The following CEP250 variants were observed in gnomAD, a reference collection of about 807,000 sequenced individuals.
CEP250 encodes centrosomal protein 250, also known as centrosome-associated protein CEP250.
In CEP250, 242 loss-of-function variants were observed where a neutral mutation model predicts 315.7. The observed-to-expected ratio is 0.77, with a 90% CI of 0.69 to 0.85. The LOEUF (loss-of-function observed/expected upper bound fraction) is 0.85. CEP250 is among the 40% of genes least tolerant of loss of function. The probability of loss-of-function intolerance (pLI) is 0.00; values close to 1 mark genes in which losing one functional copy is unlikely to be tolerated. For missense variants in CEP250, 2,515 were observed against 2,886.4 expected, an observed-to-expected ratio of 0.87 and a Z score of 2.95; for synonymous variants, 1,088 against 1,175.0, an observed-to-expected ratio of 0.93 and a Z score of 1.51.
chr20:35,499,899 CAT>C (rs1285660576), intron 27 of CEP250, 148 bp from the exon 28 acceptor site: 33 of 864,624 alleles, frequency 3.8e-5, no homozygotes, highest in South Asian at 9.6e-5. Context: ...GCTAAATACA[CAT>C]GTGTTTAAAG....
intron 27 of CEP250, 105 bp from the exon 28 acceptor site, chr20:35,499,944 A>G: frequency 6.9e-7 from 1 of 1,451,284 alleles, no homozygotes; most frequent in Non-Finnish European, 9.5e-7. Context: ...GTAGGTCCAC[A>G]ATGGCGGCCC....
chr20:35,500,622 G>A, intron 28 of CEP250, among the ~76,000 whole-genome samples: 1 of 152,202 alleles, frequency 6.6e-6, no homozygotes. Flanking sequence ...GCAGCAGCAG[G>A]GAGTGCTTGA....
rs2064368321 is a variant in CEP250, at chr20:35,511,736, G to A, written c.*110G>A. ...GCCTGGCTCTGTTAGGCACCCAGGA[G>A]CCCCAGGTCGGCGGGTGTTCCCAGG... On this transcript the variant is annotated 3_prime_UTR_variant, in exon 35 of 35. Transcript: ENST00000397527. 6.9e-7 allele frequency: 1 copy of A among 1,449,738 alleles called. No homozygotes were observed. Among genetic ancestry groups the A allele is most frequent in the South Asian group, 1.5e-5 (1 of 66,254 alleles). 89.8% of individuals were successfully genotyped at this position (1,449,738 alleles called of 1,614,324 possible). A position where few individuals can be genotyped will look rare whatever the true frequency, so the allele number is the denominator to read the frequency against.
intron 20 of CEP250, among the ~76,000 whole-genome samples, chr20:35,488,215 C>T (rs2063574215): frequency 6.6e-6 from 1 of 152,164 alleles, no homozygotes; most frequent in Non-Finnish European, 1.5e-5. Context: ...TCACATAGAG[C>T]AAATAGATCA....
In CEP250 at chr20:35,462,457, G is replaced by A. The variant is rs2062776814; in HGVS notation, c.90G>A (p.Gln30=). ...LEEQVLALQQ[Q]MAENQAASWR... is the part of the protein sequence containing the mutation. ...AGCAGGTGCTGGCACTACAGCAGCA[G>A]ATGGCAGAGAATCAGGCAGCCTCCT... The change falls in exon 4 of 35, where the codon CAG becomes CAA. Residue 30 remains glutamine, a synonymous_variant. Transcript: ENST00000397527. 1 of 1,607,632 alleles carries A rather than the reference G, an allele frequency of 6.2e-7. No individual in the cohort carries two copies. The highest frequency in any genetic ancestry group is 8.5e-7 in the Non-Finnish European group (1 of 1,176,898).
chr20:35,496,623 CAAG>C lies in CEP250; in HGVS notation c.3218_3220del (p.Glu1073del). 6.2e-7 allele frequency: 1 copy of C among 1,614,068 alleles called. No individual in the cohort carries two copies. The highest frequency in any genetic ancestry group is 1.1e-5 in the South Asian group (1 of 91,070). On this transcript the variant is annotated inframe_deletion, in exon 25 of 35. Transcript: ENST00000397527. Reference sequence around the variant, plus strand: ...AAAGGAACAGAGACTCCTTGTTTTACAAGAAGCTGACTCTATTCGACAACAAGA... The same window carrying C: ...AAAGGAACAGAGACTCCTTGTTTTACAAGCTGACTCTATTCGACAACAAGA...
intron 23 of CEP250, among the ~76,000 whole-genome samples, chr20:35,494,000 G>C (rs2063767717): frequency 6.6e-6 from 1 of 152,020 alleles, no homozygotes; most frequent in South Asian, 2.1e-4. Context: ...TTTTGGTGGG[G>C]GAGACAGGAT....
rs199835017 is a variant in CEP250, at chr20:35,511,437, C to T, written c.7140C>T (p.Thr2380=). 112 of 1,614,088 alleles carry T rather than the reference C, an allele frequency of 6.9e-5. No individual in the cohort carries two copies. The East Asian group carries it at 2.1e-3, about 31-fold the overall frequency. ...ACTACATCACCCGCTCAGCACAGAC[C>T]AGCCGTGAGCTAGCAGGCCTGCACC... ...KQDYITRSAQ[T]SRELAGLHHS... is the part of the protein sequence containing the mutation. Residue 2380 remains threonine (T), a synonymous_variant, in exon 35 of 35, where the codon ACC becomes ACT. Transcript: ENST00000397527.
In CEP250 at chr20:35,502,803, G is replaced by T. The variant is rs2064050172; in HGVS notation, c.4434G>T (p.Gln1478His). ...AAGAGGTAGATCTGCAGCAAGAACA[G>T]ATTCAGGAGCTAGAGAAGTGTAGGT... ...RNQEVDLQQE[Q>H]IQELEKCRSV... The change falls in exon 30 of 35, where the codon CAG (glutamine) becomes CAT (histidine). Residue 1478 changes from glutamine to histidine, a missense_variant. By Grantham distance (24) the Gln-to-His change is conservative. Coordinates refer to ENST00000397527, the MANE Select transcript of CEP250 (RefSeq NM_007186.6). The T allele has an allele frequency of 1.2e-6, 2 of 1,614,136 alleles. No individual in the cohort carries two copies. The highest frequency in any genetic ancestry group is 1.1e-5 in the South Asian group (1 of 91,094).
intron 16 of CEP250, 100 bp downstream of exon 16, chr20:35,476,695 C>G: frequency 9.7e-7 from 1 of 1,027,428 alleles, no homozygotes; most frequent in South Asian, 1.4e-5. Context: ...GCAAAAGGAA[C>G]ATTTACAATG....
chr20:35,488,486 C>T (rs979227188), intron 20 of CEP250, among the ~76,000 whole-genome samples: 3 of 152,026 alleles, frequency 2.0e-5, no homozygotes, highest in South Asian at 2.1e-4. Context: ...CAGGGTCTTG[C>T]TCTGTTGCCC....
Position 35,514,822 on chromosome 20 carries a change from A to G in CEP250, c.*3196A>G, listed in dbSNP as rs2064417953. 6.6e-6 allele frequency: 1 copy of G among 152,176 alleles called. No individual in the cohort carries two copies. Among genetic ancestry groups the G allele is most frequent in the South Asian group, 2.1e-4 (1 of 4,826 alleles). The allele number at this position is 152,176 out of a possible 1,614,324, so 9.4% of individuals were successfully genotyped here. On this transcript the variant is annotated 3_prime_UTR_variant, in exon 35 of 35. Coordinates refer to ENST00000397527, the MANE Select transcript of CEP250 (RefSeq NM_007186.6). ...GCCTGATAAAACCATTGCAGTCCAC[A>G]CTAGGTCTGGAGGCTTCGACACCCA... is the stretch of plus-strand genomic sequence containing the variant.
At chr20:35,490,933 C>T in intron 21 of CEP250, 129 bp downstream of exon 21, 1 of 1,135,986 alleles carries the variant, frequency 8.8e-7, no homozygotes, top group Non-Finnish European at 1.2e-6. Flanking sequence ...ACCCACTTTG[C>T]TAACAGTGAG....
chr20:35,500,008 A>G (rs1389459879), intron 27 of CEP250, 41 bp from the exon 28 acceptor site: 3 of 1,612,866 alleles, frequency 1.9e-6, no homozygotes, highest in Non-Finnish European at 2.5e-6. Context: ...GTTTTGTGGA[A>G]GATGAGGAAC....
In CEP250 at chr20:35,457,631, T is replaced by C. The variant is rs557472801; in HGVS notation, c.-297-673T>C. Reference sequence around the variant, plus strand: ...TCCCACCTTGGTGAAACTCTGTCTCTACTAAAAATACAAAAAAATTAGCTG... The same window carrying C: ...TCCCACCTTGGTGAAACTCTGTCTCCACTAAAAATACAAAAAAATTAGCTG... On this transcript the variant is annotated intron_variant, in intron 1 of 34. Transcript: ENST00000397527. Among the ~76,000 whole-genome samples the C allele has an allele frequency of 2.0e-5, 3 of 152,196 alleles. No individual in the cohort carries two copies. In the East Asian group the frequency reaches 5.8e-4, roughly 29 times the overall value.
At chr20:35,493,233 A>G (rs1423868262) in intron 22 of CEP250, among the ~76,000 whole-genome samples, 196 bp from the exon 23 acceptor site, 2 of 151,936 alleles carry the variant, frequency 1.3e-5, no homozygotes, top group African/African-American at 2.4e-5. Flanking sequence ...ACTATTACCA[A>G]TTCATGGACT....
Position 35,498,721 on chromosome 20 carries a change from G to T in CEP250, c.3777+5G>T. On this transcript the variant is annotated splice_donor_5th_base_variant and intron_variant, in intron 27 of 34. Transcript: ENST00000397527. ...TGGAAGACTCAACAGACCCGGGTAT[G>T]TTTCTCTGCTCCCCTTTCCCGAACT... 6.4e-7 allele frequency: 1 copy of T among 1,564,234 alleles called. No homozygotes were observed. The highest frequency in any genetic ancestry group is 1.2e-5 in the South Asian group (1 of 83,134).
At chr20:35,471,310 T>C (rs1442595825) in intron 10 of CEP250, among the ~76,000 whole-genome samples, 1 of 152,220 alleles carries the variant, frequency 6.6e-6, no homozygotes, top group Non-Finnish European at 1.5e-5. Context: ...CAATAATAAA[T>C]GTCTCATCTA....
Position 35,503,936 on chromosome 20 carries a change from A to G in CEP250, c.5567A>G (p.Glu1856Gly), listed in dbSNP as rs1450137309. 6.2e-7 allele frequency: 1 copy of G among 1,613,396 alleles called. No individual in the cohort carries two copies. Among genetic ancestry groups the G allele is most frequent in the Admixed American group, 1.7e-5 (1 of 59,882 alleles). ...GAGCAAGCCCATATGACACTGAAGG[A>G]GCGTCATGGAGAGCTTCAGGACCAC... The part of the protein sequence containing the change: ...ALEQAHMTLK[E>G]RHGELQDHKE... The change falls in exon 30 of 35, where the codon GAG (glutamate) becomes GGG (glycine). Residue 1856 changes from glutamate (E) to glycine (G), a missense_variant. Physicochemically the swap from Glu to Gly is moderately conservative, Grantham distance 98 (BLOSUM62 -2). Transcript: ENST00000397527. This position sits in a 1 kb window ranked among gnomAD's most constrained non-coding sequence, Gnocchi z 4.2.
Sources: gnomAD v4.1 joint callset for allele counts (sites outside exome capture counted in the v4.1 genomes callset) on GRCh38, gnomAD v4.1.1 for gene constraint, Gnocchi (gnomAD v3.1) non-coding constraint, MANE v1.5 for transcripts, NCBI Gene and HGNC (gene_info 2026-07-23, HGNC 2026-07-21) for gene names.